UQCC2: variants seen among roughly 807,000 people sequenced by gnomAD.
UQCC2 encodes ubiquinol-cytochrome c reductase complex assembly factor 2, also known as breast cancer-associated protein SGA-81M.
UQCC2 carries 21 observed loss-of-function variants against 19.9 expected under a neutral mutation model. The ratio of observed to expected loss-of-function variants is 1.05; its 90% CI spans 0.75 to 1.52. The LOEUF (loss-of-function observed/expected upper bound fraction) is 1.52, where lower values mean the gene tolerates loss of function less well. Among genes scored for constraint, UQCC2 ranks in the 40% most tolerant of loss-of-function variants. UQCC2 has a pLI of 0.00. For synonymous variants in UQCC2, 57 were observed against 60.9 expected (o/e 0.94, Z 0.30); for missense variants, 135 against 157.5 (o/e 0.86, Z 0.76).
At chr6:33,700,683 A>C (rs1364411347) in intron 2 of UQCC2, among the ~76,000 whole-genome samples, 170 bp from the exon 3 acceptor site, 2 of 152,184 alleles carry the variant, frequency 1.3e-5, no homozygotes, top group Non-Finnish European at 2.9e-5. Flanking sequence ...GAACCAGTAC[A>C]GTCTCCAGGA....
At chr6:33,703,432 T>G (rs1399675546) in intron 1 of UQCC2, among the ~76,000 whole-genome samples, 1 of 152,040 alleles carries the variant, frequency 6.6e-6, no homozygotes, top group Non-Finnish European at 1.5e-5. Context: ...CAAAGTGTGC[T>G]CACTTATAAA....
chr6:33,705,578 G>C (rs1324608106), intron 1 of UQCC2, among the ~76,000 whole-genome samples: 1 of 152,048 alleles, frequency 6.6e-6, no homozygotes, highest in Non-Finnish European at 1.5e-5. Context: ...GAGTGATGAA[G>C]CCTTGGTCAA....
At chr6:33,699,845 T>C (rs956627810) in intron 3 of UQCC2, among the ~76,000 whole-genome samples, 1 of 152,218 alleles carries the variant, frequency 6.6e-6, no homozygotes, top group Non-Finnish European at 1.5e-5. Context: ...ACAAAAATAG[T>C]AATTTTCCAG....
In UQCC2 at chr6:33,704,016, C is replaced by A. The variant is rs138281064; in HGVS notation, c.139-2596G>T. On this transcript the variant is annotated intron_variant, in intron 1 of 3. Transcript: ENST00000607484. Reference sequence around the variant, plus strand: ...TTTTAAAGCATACTGGCCAACTTAACCTTTCTTTTAAAAGAAAATATAATA... The same window carrying A: ...TTTTAAAGCATACTGGCCAACTTAAACTTTCTTTTAAAAGAAAATATAATA... Among the ~76,000 whole-genome samples, 27 of 152,312 alleles carry A rather than the reference C, an allele frequency of 1.8e-4. 1 individual carries two copies. The highest frequency in any genetic ancestry group is 6.0e-4 in the African/African-American group (25 of 41,572).
intron 1 of UQCC2, among the ~76,000 whole-genome samples, chr6:33,703,321 G>A (rs111411452): frequency 0.013 from 1,610 of 120,604 alleles, 31 homozygotes; most frequent in African/African-American, 0.036. Flanking sequence ...CCACCACTAC[G>A]CCCAGCTAAT....
intron 1 of UQCC2, among the ~76,000 whole-genome samples, chr6:33,708,146 G>A (rs1386346865): frequency 6.6e-6 from 1 of 152,250 alleles, no homozygotes; most frequent in Non-Finnish European, 1.5e-5. Context: ...CTGGGGCAAA[G>A]AATAGGTGGG....
chr6:33,701,507 A>ATT lies in UQCC2; in HGVS notation c.139-88_139-87insAA, dbSNP rs748307900. On this transcript the variant is annotated intron_variant, in intron 1 of 3. Transcript: ENST00000607484. ...ACCTTGAGGAAAGACCATACTTAAT[A>ATT]AAGCGTTCACATGAAGCAGGCCTGC... 3.2e-5 allele frequency: 44 copies of ATT among 1,363,778 alleles called. No individual in the cohort carries two copies. The South Asian group carries it at 5.8e-4, about 18-fold the overall frequency. 84.5% of individuals were successfully genotyped at this position (1,363,778 alleles called of 1,614,324 possible). A position where few individuals can be genotyped will look rare whatever the true frequency, so the allele number is the denominator to read the frequency against.
intron 1 of UQCC2, among the ~76,000 whole-genome samples, chr6:33,705,330 C>T (rs1485068417): frequency 6.8e-6 from 1 of 147,196 alleles, no homozygotes; most frequent in East Asian, 2.2e-4. Context: ...CGCACCCGAC[C>T]ACTCTCACTT....
At position 33,709,761 on chromosome 6, in the gene UQCC2, A is replaced by G. The variant is rs183984342; in HGVS notation, c.138+1788T>C. Among the ~76,000 whole-genome samples the G allele has an allele frequency of 2.0e-5, 3 of 151,894 alleles. No individual in the cohort carries two copies. The East Asian group carries it at 5.8e-4, about 29-fold the overall frequency. The stretch of plus-strand genomic sequence containing the variant: ...GGCTGGCTTGGCTCTGTTTCGGGCT[A>G]AGCTGAAAAAAAAAAAACCCATGTT... On this transcript the variant is annotated intron_variant, in intron 1 of 3. Transcript: ENST00000607484.
intron 3 of UQCC2, 88 bp from the exon 4 acceptor site, chr6:33,697,838 G>A: frequency 9.5e-7 from 1 of 1,048,128 alleles, no homozygotes; most frequent in Non-Finnish European, 1.4e-6. Flanking sequence ...CCCGACACAA[G>A]CATGGCTTGC....
chr6:33,700,741 G>C (rs1396950673), intron 2 of UQCC2, among the ~76,000 whole-genome samples: 1 of 152,228 alleles, frequency 6.6e-6, no homozygotes, highest in African/African-American at 2.4e-5. Flanking sequence ...GGAAAACGCA[G>C]GTATGGGTGG....
At chr6:33,710,623 T>A (rs139362290) in intron 1 of UQCC2, among the ~76,000 whole-genome samples, 1 of 152,322 alleles carries the variant, frequency 6.6e-6, no homozygotes, top group African/African-American at 2.4e-5. Context: ...GCCCCACTAA[T>A]AACATTACCC....
At chr6:33,701,449 G>T in intron 1 of UQCC2, 29 bp from the exon 2 acceptor site, 1 of 1,607,534 alleles carries the variant, frequency 6.2e-7, no homozygotes, top group Non-Finnish European at 8.5e-7. Flanking sequence ...CAAAGGAGGT[G>T]AGCAAAGGAG....
At chr6:33,700,921 T>C (rs1198709477) in intron 2 of UQCC2, among the ~76,000 whole-genome samples, 2 of 152,208 alleles carry the variant, frequency 1.3e-5, no homozygotes, top group Non-Finnish European at 2.9e-5. Context: ...GAAAAACCAC[T>C]CTAAATGGAA....
chr6:33,704,066 T>C (rs1765670891), intron 1 of UQCC2, among the ~76,000 whole-genome samples: 2 of 152,034 alleles, frequency 1.3e-5, no homozygotes, highest in South Asian at 4.2e-4. Flanking sequence ...CCCGGTGGTG[T>C]GAGGATAAAT....
At chr6:33,698,877 C>T (rs1170417557) in intron 3 of UQCC2, among the ~76,000 whole-genome samples, 1 of 152,116 alleles carries the variant, frequency 6.6e-6, no homozygotes, top group Non-Finnish European at 1.5e-5. Flanking sequence ...TCTAATTTTA[C>T]GTGCATGTTA....
At chr6:33,711,059 G>A (rs1187517961) in intron 1 of UQCC2, among the ~76,000 whole-genome samples, 1 of 152,210 alleles carries the variant, frequency 6.6e-6, no homozygotes, top group African/African-American at 2.4e-5. Context: ...AAAAAGCTGA[G>A]GCTGTCACCA....
intron 1 of UQCC2, among the ~76,000 whole-genome samples, chr6:33,708,662 C>T (rs1462440989): frequency 6.6e-6 from 1 of 152,200 alleles, no homozygotes; most frequent in Non-Finnish European, 1.5e-5. Flanking sequence ...GAGCTCCATA[C>T]TAGTCAGTCA....
Position 33,711,670 on chromosome 6 carries a change from T to G in UQCC2, c.17A>C (p.Tyr6Ser). ...CTCACAGAGCTTAAGAAAACGCCGG[T>G]ACCGGCTGGCCGCCATCTTGGGCCC... MAASRYRRFLKLCEEW... is the reference protein window; with the variant it reads MAASRSRRFLKLCEEW... Residue 6 changes from tyrosine (Y) to serine (S), a missense_variant, in exon 1 of 4, where the codon TAC (tyrosine) becomes TCC (serine). Coordinates refer to ENST00000607484, the MANE Select transcript of UQCC2 (RefSeq NM_032340.4). 1 of 1,610,818 alleles carries G rather than the reference T, an allele frequency of 6.2e-7. No individual in the cohort carries two copies. Among genetic ancestry groups the G allele is most frequent in the Non-Finnish European group, 8.5e-7 (1 of 1,179,062 alleles).
Sources: gnomAD v4.1 joint callset for allele counts (sites outside exome capture counted in the v4.1 genomes callset) on GRCh38, gnomAD v4.1.1 for gene constraint, MANE v1.5 for transcripts, NCBI Gene and HGNC (gene_info 2026-07-23, HGNC 2026-07-21) for gene names.